Variants in KAT7 observed in about 807,000 individuals in gnomAD.
KAT7 encodes lysine acetyltransferase 7.
Under a neutral mutation model 82.1 loss-of-function variants are expected in KAT7, and 10 were observed. The observed-to-expected ratio is 0.12, with a 90% CI of 0.08 to 0.21. The LOEUF is 0.21. Ranked by LOEUF, KAT7 falls within the 10% of genes least tolerant of loss-of-function variation. The probability of loss-of-function intolerance (pLI) is 1.00; values close to 1 mark genes in which losing one functional copy is unlikely to be tolerated. For synonymous variants in KAT7, 250 were observed against 262.5 expected (o/e 0.95, Z 0.46); for missense variants, 378 against 760.9 (o/e 0.50, Z 5.92).
intron 4 of KAT7, among the ~76,000 whole-genome samples, chr17:49,802,866 C>T (rs887708793): frequency 1.1e-4 from 16 of 152,044 alleles, no homozygotes; most frequent in African/African-American, 2.2e-4. Flanking sequence ...GCCAGGACTA[C>T]GGGCATGGAC....
intron 4 of KAT7, among the ~76,000 whole-genome samples, chr17:49,805,140 T>C (rs2074075439): frequency 6.6e-6 from 1 of 152,220 alleles, no homozygotes; most frequent in Admixed American, 6.5e-5. Context: ...ATAGTTTATA[T>C]TGATCATACA....
At chr17:49,810,795 G>A (rs1313239039) in intron 6 of KAT7, among the ~76,000 whole-genome samples, 1 of 152,088 alleles carries the variant, frequency 6.6e-6, no homozygotes, top group East Asian at 1.9e-4. Flanking sequence ...CAGTAAAGGT[G>A]GTGGGTGATG....
At chr17:49,809,062 TTAAG>T in intron 5 of KAT7, 53 bp from the exon 6 acceptor site, 26 of 1,357,044 alleles carry the variant, frequency 1.9e-5, no homozygotes, top group Non-Finnish European at 2.4e-5. Flanking sequence ...TTCTTATGCT[TTAAG>T]TAAACGTAGT....
At position 49,788,695 on chromosome 17, in the gene KAT7, AC is replaced by A. The variant is rs1424905350; in HGVS notation, c.-139del. On this transcript the variant is annotated 5_prime_UTR_variant, in exon 1 of 15. Coordinates refer to ENST00000259021, the MANE Select transcript of KAT7 (RefSeq NM_007067.5). ...GCGGCGCCTGCGCAGAACGCTCCAG[AC>A]GCTGAGAGGCAGGAGGCACTAGGGA... 6 of 905,644 alleles carry A rather than the reference AC, an allele frequency of 6.6e-6. No individual in the cohort carries two copies. The highest frequency in any genetic ancestry group is 3.6e-4 in the Middle Eastern group (1 of 2,758). 56.1% of individuals were successfully genotyped at this position (905,644 alleles called of 1,614,324 possible). A position where few individuals can be genotyped will look rare whatever the true frequency, so the allele number is the denominator to read the frequency against.
At chr17:49,797,060 T>G (rs532458031) in intron 3 of KAT7, 134 bp downstream of exon 3, 3 of 704,232 alleles carry the variant, frequency 4.3e-6, no homozygotes, top group Admixed American at 5.5e-5. Flanking sequence ...GCTTCCTTTC[T>G]TATGTCTTTT....
chr17:49,811,154 G>T (rs1819288365), intron 6 of KAT7, among the ~76,000 whole-genome samples: 1 of 150,676 alleles, frequency 6.6e-6, no homozygotes, highest in Non-Finnish European at 1.5e-5. Context: ...TGTCTCCCAG[G>T]CTGGAGTGCA....
chr17:49,790,442 C>T (rs2073871999), intron 1 of KAT7, among the ~76,000 whole-genome samples: 1 of 152,196 alleles, frequency 6.6e-6, no homozygotes, highest in South Asian at 2.1e-4. Flanking sequence ...GGTGATCCAC[C>T]CGCCTCGGCC....
At position 49,815,865 on chromosome 17, in the gene KAT7, T is replaced by C. The variant is rs2074227131; in HGVS notation, c.915T>C (p.Tyr305=). The stretch of plus-strand genomic sequence containing the variant: ...TTTTAGAAAACCTGACAAGCGAGTA[T>C]GACTTGGATCTTTTCCGAAGAGCAC... The part of the protein sequence containing the change: ...EPLLENLTSE[Y]DLDLFRRAQA... The change falls in exon 8 of 15, where the codon TAT becomes TAC. Residue 305 remains tyrosine (Y), a synonymous_variant. Transcript: ENST00000259021. The C allele has an allele frequency of 1.2e-6, 2 of 1,613,784 alleles. No individual in the cohort carries two copies. Among genetic ancestry groups the C allele is most frequent in the African/African-American group, 1.3e-5 (1 of 74,888 alleles).
intron 9 of KAT7, among the ~76,000 whole-genome samples, chr17:49,820,923 A>G (rs1358798677): frequency 6.6e-6 from 1 of 151,832 alleles, no homozygotes. Flanking sequence ...GTTAGGTGGT[A>G]ATGAGAAGTT....
chr17:49,794,872 C>A (rs1348680023), intron 2 of KAT7, among the ~76,000 whole-genome samples: 1 of 152,134 alleles, frequency 6.6e-6, no homozygotes, highest in Non-Finnish European at 1.5e-5. Context: ...CCCTAGAGCA[C>A]AAGGTAGATC....
At chr17:49,803,470 G>A (rs887745488) in intron 4 of KAT7, among the ~76,000 whole-genome samples, 2 of 151,646 alleles carry the variant, frequency 1.3e-5, no homozygotes, top group Non-Finnish European at 1.5e-5. Context: ...TGTCACCCAG[G>A]CAGGAGTGCA....
rs2074409414 is a variant in KAT7, at chr17:49,829,937, G to C, written c.*2435G>C. 6.6e-6 allele frequency: 1 copy of C among 151,220 alleles called. No homozygotes were observed. Among genetic ancestry groups the C allele is most frequent in the East Asian group, 1.9e-4 (1 of 5,152 alleles). 9.4% of individuals were successfully genotyped at this position (151,220 alleles called of 1,614,324 possible). ...GCTCTGTTGCCCAGGTTGGAGTGCA[G>C]TGGCGCAGTTTTGGCTCACAACCTC... On this transcript the variant is annotated 3_prime_UTR_variant, in exon 15 of 15. Coordinates refer to ENST00000259021, the MANE Select transcript of KAT7 (RefSeq NM_007067.5).
intron 5 of KAT7, among the ~76,000 whole-genome samples, chr17:49,806,916 A>T (rs2074098687): frequency 6.6e-6 from 1 of 152,176 alleles, no homozygotes; most frequent in Non-Finnish European, 1.5e-5. Context: ...AGAATTTCTG[A>T]GATGATATAT....
intron 4 of KAT7, 35 bp from the exon 5 acceptor site, chr17:49,805,328 T>C (rs1427399577): frequency 9.1e-6 from 13 of 1,432,118 alleles, no homozygotes; most frequent in Non-Finnish European, 1.2e-5. Flanking sequence ...AAGCTTGTCT[T>C]CTTTCTTGAG....
chr17:49,811,573 T>C lies in KAT7; in HGVS notation c.851T>C (p.Met284Thr), dbSNP rs2074165970. The change falls in exon 7 of 15, where the codon ATG becomes ACG. Residue 284 changes from methionine (M) to threonine (T), a missense_variant and splice_region_variant. This residue lies in a region of KAT7 where 102 missense variants were observed against 129.8 expected (regional missense o/e 0.79). Transcript: ENST00000259021. ...AGCAAAGAACAGAAAGAGAAATATA[T>C]GGTGAGGGAAAGTTAAATATTTAAT... The part of the protein sequence containing the change: ...GLSKEQKEKY[M>T]EHRQTYGNTR... 1 of 1,453,804 alleles carries C rather than the reference T, an allele frequency of 6.9e-7. No homozygotes were observed. The highest frequency in any genetic ancestry group is 9.3e-7 in the Non-Finnish European group (1 of 1,078,430). 90.1% of individuals were successfully genotyped at this position (1,453,804 alleles called of 1,614,324 possible).
At chr17:49,796,983 T>C (rs988893693) in intron 3 of KAT7, 57 bp downstream of exon 3, 10 of 1,502,846 alleles carry the variant, frequency 6.7e-6, no homozygotes, top group Middle Eastern at 3.5e-4. Context: ...GAAATTCTTT[T>C]TAAGGAGGGC....
Position 49,830,231 on chromosome 17 carries a change from T to C in KAT7, c.*2729T>C, listed in dbSNP as rs993689136. 7.3e-6 allele frequency: 1 copy of C among 136,782 alleles called. No individual in the cohort carries two copies. The highest frequency in any genetic ancestry group is 2.6e-4 in the South Asian group (1 of 3,874). 8.5% of individuals were successfully genotyped at this position (136,782 alleles called of 1,614,324 possible). On this transcript the variant is annotated 3_prime_UTR_variant, in exon 15 of 15. Transcript: ENST00000259021. The stretch of plus-strand genomic sequence containing the variant: ...TTTAAAAAAAGACAGTCTCACTCTA[T>C]CATCCAGTCCGGAATGCAGTGGCAT...
intron 4 of KAT7, 110 bp from the exon 5 acceptor site, chr17:49,805,253 C>T: frequency 2.8e-6 from 2 of 708,936 alleles, no homozygotes; most frequent in Non-Finnish European, 5.0e-6. Flanking sequence ...TCTGATCAGA[C>T]ATATATTTGA....
At position 49,833,427 on chromosome 17, in the gene KAT7, C is replaced by T. The variant is rs990205413; in HGVS notation, c.*5925C>T. ...GGTAGATCATCTCCAAAGATGGCCA[C>T]CAACAGTTGCTCTCATCCTCTGTGC... On this transcript the variant is annotated 3_prime_UTR_variant, in exon 15 of 15. Coordinates refer to ENST00000259021, the MANE Select transcript of KAT7 (RefSeq NM_007067.5). 1 of 152,146 alleles carries T rather than the reference C, an allele frequency of 6.6e-6. No individual in the cohort carries two copies. 9.4% of individuals were successfully genotyped at this position (152,146 alleles called of 1,614,324 possible).
Sources: gnomAD v4.1 joint callset for allele counts (sites outside exome capture counted in the v4.1 genomes callset) on GRCh38, gnomAD v4.1.1 for gene constraint, gnomAD v4.1.1 regional missense constraint, MANE v1.5 for transcripts, NCBI Gene and HGNC (gene_info 2026-07-23, HGNC 2026-07-21) for gene names.